Variants in NCAN observed in about 807,000 individuals in gnomAD.
NCAN encodes the protein neurocan core protein.
Under a neutral mutation model 121.8 loss-of-function variants are expected in NCAN, and 47 were observed. That is an observed-to-expected ratio of 0.39 (90% CI 0.31 to 0.49). The LOEUF (loss-of-function observed/expected upper bound fraction) is 0.49. NCAN is among the 20% of genes least tolerant of loss of function. The probability of loss-of-function intolerance (pLI) is 0.92; values close to 1 mark genes in which losing one functional copy is unlikely to be tolerated. For missense variants in NCAN, 1,517 were observed against 1,773.4 expected (o/e 0.86, Z 2.60); for synonymous variants, 633 against 702.0 (o/e 0.90, Z 1.55).
At position 19,226,907 on chromosome 19, in the gene NCAN, G is replaced by C. The variant is rs144219429; in HGVS notation, c.1494G>C (p.Pro498=). 1 of 1,603,840 alleles carries C rather than the reference G, an allele frequency of 6.2e-7. No homozygotes were observed. The highest frequency in any genetic ancestry group is 1.1e-5 in the South Asian group (1 of 90,136). Residue 498 remains proline, a synonymous_variant, in exon 7 of 15, where the codon CCG becomes CCC. Coordinates refer to ENST00000252575, the MANE Select transcript of NCAN (RefSeq NM_004386.3). Reference sequence around the variant, plus strand: ...ACTTCCAGCAGCAGGAACCGGAGCCGGGGCTGCAAGGGGGGATGGAGGCCA... The same window carrying C: ...ACTTCCAGCAGCAGGAACCGGAGCCCGGGCTGCAAGGGGGGATGGAGGCCA... ...GRYFQQQEPE[P]GLQGGMEASA...
intron 11 of NCAN, among the ~76,000 whole-genome samples, chr19:19,239,785 C>T (rs2060896158): frequency 7.3e-6 from 1 of 137,580 alleles, no homozygotes; most frequent in African/African-American, 2.8e-5. Flanking sequence ...CCTTGCTCTT[C>T]CTCCTCCCTT....
Position 19,248,682 on chromosome 19 carries a change from G to A in NCAN, c.3638-18G>A, listed in dbSNP as rs1367535358. On this transcript the variant is annotated intron_variant, in intron 13 of 14. Transcript: ENST00000252575. The stretch of plus-strand genomic sequence containing the variant: ...CCAGATGTGAGCACCTCTCTCACTA[G>A]AGATTCCTCTGTCCCAGTGCTCTGT... 3 of 1,608,400 alleles carry A rather than the reference G, an allele frequency of 1.9e-6. No individual in the cohort carries two copies. Among genetic ancestry groups the A allele is most frequent in the Non-Finnish European group, 2.6e-6 (3 of 1,175,882 alleles).
At chr19:19,235,808 C>T (rs145915864) in intron 10 of NCAN, among the ~76,000 whole-genome samples, 270 of 152,152 alleles carry the variant, frequency 1.8e-3, no homozygotes, top group African/African-American at 6.0e-3. Context: ...TGCAGTGGTG[C>T]GATCTTGGCT....
chr19:19,241,661 A>AC (rs2060903753), intron 12 of NCAN, among the ~76,000 whole-genome samples: 1 of 151,760 alleles, frequency 6.6e-6, no homozygotes, highest in Admixed American at 6.6e-5. Flanking sequence ...ACACAGTGAG[A>AC]CCCCCGTCTC....
At chr19:19,237,355 G>A (rs546460100) in intron 10 of NCAN, among the ~76,000 whole-genome samples, 5 of 152,076 alleles carry the variant, frequency 3.3e-5, no homozygotes, top group South Asian at 4.1e-4. Flanking sequence ...CAGGCATGGC[G>A]ACACGTGCCT....
At position 19,243,082 on chromosome 19, in the gene NCAN, AT is replaced by A. The variant is rs372731362; in HGVS notation, c.3493-2220del. Among the ~76,000 whole-genome samples, 129 of 149,022 alleles carry A rather than the reference AT, an allele frequency of 8.7e-4. 1 individual carries two copies. The Middle Eastern group carries it at 0.011, about 12-fold the overall frequency. The stretch of plus-strand genomic sequence containing the variant: ...GGCATAGAAGGCCAGCTGTTGTATG[AT>A]TTTTTTTTTTCATGAAGCATTCAGA... On this transcript the variant is annotated intron_variant, in intron 12 of 14. Coordinates refer to ENST00000252575, the MANE Select transcript of NCAN (RefSeq NM_004386.3).
Position 19,221,421 on chromosome 19 carries a change from A to AG in NCAN, c.475+2106dup, listed in dbSNP as rs1446284037. Among the ~76,000 whole-genome samples the AG allele has an allele frequency of 2.6e-5, 4 of 152,066 alleles. No homozygotes were observed. In the East Asian group the frequency reaches 7.7e-4, roughly 29 times the overall value. Reference sequence around the variant, plus strand: ...CTTCTCTACTAAAAATACAAAAATTAGCCAGGCATGGTGGCACATTCCTGT... The same window carrying AG: ...CTTCTCTACTAAAAATACAAAAATTAGGCCAGGCATGGTGGCACATTCCTGT... On this transcript the variant is annotated intron_variant, in intron 3 of 14. Coordinates refer to ENST00000252575, the MANE Select transcript of NCAN (RefSeq NM_004386.3).
At chr19:19,217,514 T>C (rs2060800214) in intron 2 of NCAN, among the ~76,000 whole-genome samples, 1 of 152,206 alleles carries the variant, frequency 6.6e-6, no homozygotes. Flanking sequence ...GAAAATCAAA[T>C]GAGCTGATTG....
At position 19,228,554 on chromosome 19, in the gene NCAN, G is replaced by A. The variant is rs760959295; in HGVS notation, c.2934G>A (p.Pro978=). The A allele has an allele frequency of 1.1e-5, 18 of 1,613,086 alleles. No individual in the cohort carries two copies. The highest frequency in any genetic ancestry group is 4.0e-5 in the African/African-American group (3 of 74,936). ...DFELEVLAGS[P]GVESFWEEVA... is the part of the protein sequence containing the mutation. Reference sequence around the variant, plus strand: ...AACTGGAGGTCCTGGCAGGGAGCCCGGGTGTAGAGAGCTTCTGGGAGGAGG... The same window carrying A: ...AACTGGAGGTCCTGGCAGGGAGCCCAGGTGTAGAGAGCTTCTGGGAGGAGG... Residue 978 remains proline (P), a synonymous_variant, in exon 8 of 15, where the codon CCG becomes CCA. Coordinates refer to ENST00000252575, the MANE Select transcript of NCAN (RefSeq NM_004386.3).
At chr19:19,223,979 G>A in intron 3 of NCAN, 42 bp from the exon 4 acceptor site, 1 of 1,489,802 alleles carries the variant, frequency 6.7e-7, no homozygotes, top group Non-Finnish European at 9.0e-7. Flanking sequence ...GAAGATTCCA[G>A]CATAAGTCAA....
intron 8 of NCAN, among the ~76,000 whole-genome samples, chr19:19,232,215 T>G (rs990001060): frequency 6.6e-6 from 1 of 152,090 alleles, no homozygotes; most frequent in African/African-American, 2.4e-5. Flanking sequence ...GGCTCCACAA[T>G]GAAGCCAACC....
chr19:19,219,778 A>G (rs548263822), intron 3 of NCAN, among the ~76,000 whole-genome samples: 4 of 149,306 alleles, frequency 2.7e-5, no homozygotes, highest in Non-Finnish European at 5.9e-5. Context: ...TAATCTGAGC[A>G]CTTTGGGAGG....
At chr19:19,231,816 C>T (rs1443928931) in intron 8 of NCAN, among the ~76,000 whole-genome samples, 1 of 151,936 alleles carries the variant, frequency 6.6e-6, no homozygotes, top group Admixed American at 6.6e-5. Flanking sequence ...CCCGTCTCTA[C>T]AAAACAAATT....
chr19:19,223,086 C>T (rs1316793049), intron 3 of NCAN, among the ~76,000 whole-genome samples: 1 of 151,032 alleles, frequency 6.6e-6, no homozygotes, highest in Non-Finnish European at 1.5e-5. Flanking sequence ...TGCAGCCTGG[C>T]GACAGAGTGA....
rs1477055390 is a variant in NCAN, at chr19:19,246,072, T to C, written c.3637+615T>C. On this transcript the variant is annotated intron_variant, in intron 13 of 14. Transcript: ENST00000252575. ...TATGTTTTTGGAGACAGTTTCGCTC[T>C]TGTTGTCCAGGCTGGAGTGCAAAGG... 3.4e-4 allele frequency among the ~76,000 whole-genome samples: 51 copies of C among 151,958 alleles called. 1 individual carries two copies. Among genetic ancestry groups the C allele is most frequent in the Admixed American group, 3.3e-3 (51 of 15,270 alleles).
chr19:19,246,100 T>C (rs929052335), intron 13 of NCAN, among the ~76,000 whole-genome samples: 1 of 152,146 alleles, frequency 6.6e-6, no homozygotes, highest in Non-Finnish European at 1.5e-5. Context: ...TGCAAAGGCA[T>C]GCTCTTGGCT....
At chr19:19,217,571 C>T (rs1013762583) in intron 2 of NCAN, among the ~76,000 whole-genome samples, 2 of 152,210 alleles carry the variant, frequency 1.3e-5, no homozygotes, top group Admixed American at 1.3e-4. Context: ...ACACCATTTC[C>T]TTTTCATTAG....
intron 8 of NCAN, among the ~76,000 whole-genome samples, chr19:19,232,199 A>G (rs1018203711): frequency 1.3e-5 from 2 of 152,112 alleles, no homozygotes; most frequent in African/African-American, 4.8e-5. Context: ...ACTTTTCTGG[A>G]TCCTGGGCTC....
At chr19:19,244,309 CT>C (rs532412223) in intron 12 of NCAN, among the ~76,000 whole-genome samples, 400 of 127,578 alleles carry the variant, frequency 3.1e-3, no homozygotes, top group Non-Finnish European at 3.2e-3. Context: ...CCCTTACTAT[CT>C]TTTTTTTTTT....
Sources: gnomAD v4.1 joint callset for allele counts (sites outside exome capture counted in the v4.1 genomes callset) on GRCh38, gnomAD v4.1.1 for gene constraint, MANE v1.5 for transcripts, NCBI Gene and HGNC (gene_info 2026-07-23, HGNC 2026-07-21) for gene names.